Variants in KALRN observed in about 807,000 individuals in gnomAD.
KALRN encodes the protein kalirin.
In KALRN, 70 loss-of-function variants were observed where a neutral mutation model predicts 353.7. That is an observed-to-expected ratio of 0.20 (90% CI 0.16 to 0.24). KALRN has a LOEUF of 0.24. KALRN is among the 10% of genes least tolerant of loss of function. KALRN has a pLI of 1.00. For synonymous variants in KALRN, 1,391 were observed against 1,434.8 expected, an observed-to-expected ratio of 0.97 and a Z score of 0.69; for missense variants, 2,791 against 3,756.7, an observed-to-expected ratio of 0.74 and a Z score of 6.72.
intron 34 of KALRN, among the ~76,000 whole-genome samples, chr3:124,594,236 T>A (rs1473989064): frequency 6.6e-6 from 1 of 152,118 alleles, no homozygotes; most frequent in Non-Finnish European, 1.5e-5. Flanking sequence ...TTTCCAGGAA[T>A]TTTTTTTGGA....
intron 34 of KALRN, among the ~76,000 whole-genome samples, chr3:124,567,403 C>G (rs147578938): frequency 6.6e-6 from 1 of 152,268 alleles, no homozygotes; most frequent in Non-Finnish European, 1.5e-5. Flanking sequence ...CCTCCTCTGC[C>G]TTCTGTGGGA....
intron 10 of KALRN, among the ~76,000 whole-genome samples, chr3:124,363,379 G>A (rs942020322): frequency 1.3e-5 from 2 of 152,138 alleles, no homozygotes; most frequent in African/African-American, 4.8e-5. Flanking sequence ...ATTTGGATGG[G>A]AGGCCAGAGC....
At chr3:124,170,983 T>A (rs1467626744) in intron 1 of KALRN, among the ~76,000 whole-genome samples, 1 of 151,546 alleles carries the variant, frequency 6.6e-6, no homozygotes, top group African/African-American at 2.4e-5. Context: ...CCAGCTAATT[T>A]CTTGTATTTT....
intron 9 of KALRN, among the ~76,000 whole-genome samples, chr3:124,344,792 G>C (rs183323524): frequency 6.6e-6 from 1 of 152,138 alleles, no homozygotes. Context: ...AAATATGAAA[G>C]AAATAGGTTT....
At position 124,208,607 on chromosome 3, in the gene KALRN, C is replaced by T. The variant is rs113861869; in HGVS notation, c.74-19383C>T. Among the ~76,000 whole-genome samples the T allele has an allele frequency of 2.0e-3, 310 of 152,218 alleles. 1 individual carries two copies. Among genetic ancestry groups the T allele is most frequent in the African/African-American group, 7.2e-3 (297 of 41,516 alleles). On this transcript the variant is annotated intron_variant, in intron 1 of 59. Coordinates refer to ENST00000682506, the MANE Select transcript of KALRN (RefSeq NM_001388419.1). ...ATGAAGAAGCCCTGTTCTCCTGCTT[C>T]CACTGTCTCCAGCCAAGAAAATGCA...
chr3:124,519,472 T>A lies in KALRN; in HGVS notation c.4935+23059T>A, dbSNP rs192404523. The A allele has an allele frequency of 1.7e-5, 17 of 985,410 alleles. No individual in the cohort carries two copies. In the East Asian group the frequency reaches 7.9e-4, roughly 46 times the overall value. 61.0% of individuals were successfully genotyped at this position (985,410 alleles called of 1,614,324 possible). On this transcript the variant is annotated intron_variant, in intron 33 of 59. Transcript: ENST00000682506. The stretch of plus-strand genomic sequence containing the variant: ...TATACACTCATTTTCTAACTTTTTT[T>A]AAAGGCCCACTGCTTTATTTTCAAT...
chr3:124,496,012 T>TATATATATATATATACAC (rs1345047394), intron 32 of KALRN, among the ~76,000 whole-genome samples: 1 of 43,694 alleles, frequency 2.3e-5, no homozygotes, highest in Non-Finnish European at 3.8e-5. Flanking sequence ...TATATATATA[T>TATATATATATATATACAC]ACACACACAT....
At chr3:124,632,936 A>C (rs1410383787) in intron 35 of KALRN, among the ~76,000 whole-genome samples, 1 of 152,200 alleles carries the variant, frequency 6.6e-6, no homozygotes, top group Non-Finnish European at 1.5e-5. Flanking sequence ...AGATTTGGAG[A>C]TAGGACCTGG....
intron 5 of KALRN, among the ~76,000 whole-genome samples, chr3:124,270,122 G>T (rs2073978915): frequency 1.3e-5 from 2 of 152,226 alleles, no homozygotes; most frequent in Admixed American, 1.3e-4. Context: ...GAAGAAAGAA[G>T]AGTTTACTAT....
chr3:124,484,476 G>A (rs1466992767), intron 28 of KALRN, among the ~76,000 whole-genome samples: 4 of 152,190 alleles, frequency 2.6e-5, no homozygotes, highest in South Asian at 2.1e-4. Context: ...TCACACCCTC[G>A]GCCTTTCCTG....
intron 18 of KALRN, 91 bp downstream of exon 18, chr3:124,439,128 T>C: frequency 8.1e-7 from 1 of 1,240,438 alleles, no homozygotes; most frequent in East Asian, 2.5e-5. Context: ...TCTTTCTTTC[T>C]CTTTCTCTCT....
chr3:124,407,174 AAAT>A (rs1160553747), intron 13 of KALRN, among the ~76,000 whole-genome samples: 1 of 152,154 alleles, frequency 6.6e-6, no homozygotes, highest in African/African-American at 2.4e-5. Context: ...AATGGAAACG[AAAT>A]AATATTTCCC....
intron 5 of KALRN, among the ~76,000 whole-genome samples, chr3:124,285,471 T>C (rs2075744031): frequency 6.6e-6 from 1 of 152,192 alleles, no homozygotes; most frequent in Non-Finnish European, 1.5e-5. Context: ...TCTATCCGTG[T>C]AACAAAATTG....
At chr3:124,369,744 C>G (rs2085562557) in intron 10 of KALRN, among the ~76,000 whole-genome samples, 1 of 149,630 alleles carries the variant, frequency 6.7e-6, no homozygotes, top group Non-Finnish European at 1.5e-5. Flanking sequence ...CTCCCCAACT[C>G]CCCCGCCTCA....
intron 18 of KALRN, among the ~76,000 whole-genome samples, 161 bp downstream of exon 18, chr3:124,439,198 TCTCA>T (rs765890357): frequency 0.038 from 4,753 of 125,336 alleles, 107 homozygotes; most frequent in East Asian, 0.12. Flanking sequence ...TCTCTCTCTC[TCTCA>T]CACACACACA....
intron 17 of KALRN, among the ~76,000 whole-genome samples, chr3:124,436,524 A>T (rs1035546880): frequency 2.1e-5 from 3 of 143,168 alleles, no homozygotes; most frequent in African/African-American, 7.8e-5. Context: ...CTCAAGTTTG[A>T]TGACAGATCT....
intron 33 of KALRN, among the ~76,000 whole-genome samples, chr3:124,530,057 G>A (rs2067913420): frequency 6.6e-6 from 1 of 152,136 alleles, no homozygotes; most frequent in Non-Finnish European, 1.5e-5. Context: ...ATGAAAATGT[G>A]AGAATCAATC....
At chr3:124,141,096 C>G (rs1297864030) in intron 1 of KALRN, among the ~76,000 whole-genome samples, 1 of 152,236 alleles carries the variant, frequency 6.6e-6, no homozygotes, top group African/African-American at 2.4e-5. Flanking sequence ...CAGGACTTGT[C>G]TGTTTGTCCT....
chr3:124,535,050 T>C (rs2068393753), intron 33 of KALRN, among the ~76,000 whole-genome samples: 1 of 151,846 alleles, frequency 6.6e-6, no homozygotes, highest in South Asian at 2.1e-4. Flanking sequence ...GAATAATAAA[T>C]CCTAGACTAA....
Sources: gnomAD v4.1 joint callset for allele counts (sites outside exome capture counted in the v4.1 genomes callset) on GRCh38, gnomAD v4.1.1 for gene constraint, MANE v1.5 for transcripts, NCBI Gene and HGNC (gene_info 2026-07-23, HGNC 2026-07-21) for gene names.